The following SORCS3 variants were observed in gnomAD, a reference collection of about 807,000 sequenced individuals.
SORCS3 encodes VPS10 domain-containing receptor SorCS3.
Under a neutral mutation model 146.3 loss-of-function variants are expected in SORCS3, and 57 were observed. That is an observed-to-expected ratio of 0.39 (90% CI 0.31 to 0.49). The LOEUF (loss-of-function observed/expected upper bound fraction) is 0.49, where lower values mean the gene tolerates loss of function less well. Ranked by LOEUF, SORCS3 falls within the 20% of genes least tolerant of loss-of-function variation. The probability of loss-of-function intolerance (pLI) is 0.92; values close to 1 mark genes in which losing one functional copy is unlikely to be tolerated. For missense variants in SORCS3, 1,341 were observed against 1,575.5 expected, an observed-to-expected ratio of 0.85 and a Z score of 2.52; for synonymous variants, 653 against 618.5, an observed-to-expected ratio of 1.06 and a Z score of -0.83.
At position 104,700,633 on chromosome 10, in the gene SORCS3, A is replaced by T. The variant is rs1486951195; in HGVS notation, c.627+58679A>T. 3.4e-5 allele frequency among the ~76,000 whole-genome samples: 5 copies of T among 145,380 alleles called. No individual in the cohort carries two copies. In the East Asian group the frequency reaches 1.1e-3, roughly 32 times the overall value. On this transcript the variant is annotated intron_variant, in intron 1 of 26. Transcript: ENST00000369701. ...ATGGAGTCGGGAGAGCAGTTTCCGA[A>T]GGAAGGGACATGGGCCAGACTAAAG...
intron 4 of SORCS3, among the ~76,000 whole-genome samples, chr10:104,995,149 T>C (rs2055016834): frequency 1.3e-5 from 2 of 150,182 alleles, no homozygotes; most frequent in Admixed American, 1.3e-4. Flanking sequence ...TCTTTTCTTT[T>C]CTTTCTTTCT....
chr10:105,123,743 A>C (rs2055952701), intron 7 of SORCS3, among the ~76,000 whole-genome samples: 2 of 152,192 alleles, frequency 1.3e-5, no homozygotes, highest in Non-Finnish European at 2.9e-5. Flanking sequence ...GAGAGACAAT[A>C]ATAGGAGGGA....
At chr10:105,143,205 T>A (rs937768676) in intron 8 of SORCS3, among the ~76,000 whole-genome samples, 2 of 152,210 alleles carry the variant, frequency 1.3e-5, no homozygotes, top group African/African-American at 4.8e-5. Flanking sequence ...CATTTGATAC[T>A]GATGAAAATA....
chr10:104,786,372 C>G (rs1764663522), intron 1 of SORCS3, among the ~76,000 whole-genome samples: 1 of 151,200 alleles, frequency 6.6e-6, no homozygotes, highest in Non-Finnish European at 1.5e-5. Flanking sequence ...GCTGACAAAA[C>G]CCTGTTTCTA....
chr10:104,765,682 A>T (rs1485950037), intron 1 of SORCS3, among the ~76,000 whole-genome samples: 1 of 152,228 alleles, frequency 6.6e-6, no homozygotes. Flanking sequence ...GGGAGAAATA[A>T]CAATTATTTT....
At chr10:105,016,780 G>A (rs2133685501) in intron 4 of SORCS3, among the ~76,000 whole-genome samples, 1 of 152,270 alleles carries the variant, frequency 6.6e-6, no homozygotes, top group African/African-American at 2.4e-5. Context: ...TGTCCTGGCA[G>A]AGGTTGCATT....
chr10:104,722,768 A>G (rs907689639), intron 1 of SORCS3, among the ~76,000 whole-genome samples: 1 of 152,072 alleles, frequency 6.6e-6, no homozygotes, highest in Non-Finnish European at 1.5e-5. Context: ...ATTTGCATAG[A>G]GGTGTTTATA....
At chr10:105,029,882 AATC>A (rs954521536) in intron 4 of SORCS3, among the ~76,000 whole-genome samples, 39 of 152,202 alleles carry the variant, frequency 2.6e-4, no homozygotes, top group African/African-American at 8.4e-4. Context: ...TTTGCATTAA[AATC>A]ATCTGGGAGC....
chr10:104,663,538 G>A (rs2015728843), intron 1 of SORCS3, among the ~76,000 whole-genome samples: 1 of 151,828 alleles, frequency 6.6e-6, no homozygotes, highest in African/African-American at 2.4e-5. Flanking sequence ...TCTCTGATAT[G>A]TTGTTATGTG....
chr10:104,657,242 A>G (rs1288742314), intron 1 of SORCS3, among the ~76,000 whole-genome samples: 1 of 152,196 alleles, frequency 6.6e-6, no homozygotes, highest in Non-Finnish European at 1.5e-5. Flanking sequence ...CAGTCCAGCT[A>G]GAACCACGTA....
intron 25 of SORCS3, among the ~76,000 whole-genome samples, chr10:105,258,145 C>T (rs1193890824): frequency 6.6e-6 from 1 of 152,032 alleles, no homozygotes; most frequent in Non-Finnish European, 1.5e-5. Flanking sequence ...CAGCATTAGC[C>T]GCAGCAGCAG....
At chr10:104,796,518 A>G (rs570475436) in intron 1 of SORCS3, among the ~76,000 whole-genome samples, 2 of 151,962 alleles carry the variant, frequency 1.3e-5, no homozygotes, top group South Asian at 2.1e-4. Context: ...CTAGACCTTA[A>G]TGGCTTCATT....
chr10:104,969,720 A>G (rs2054848034), intron 3 of SORCS3, among the ~76,000 whole-genome samples: 1 of 152,168 alleles, frequency 6.6e-6, no homozygotes, highest in Admixed American at 6.6e-5. Flanking sequence ...ATGCTTTATT[A>G]TATATAAATT....
At chr10:104,722,979 T>G (rs1158801571) in intron 1 of SORCS3, among the ~76,000 whole-genome samples, 1 of 152,224 alleles carries the variant, frequency 6.6e-6, no homozygotes, top group African/African-American at 2.4e-5. Flanking sequence ...TCTATTTCCT[T>G]CAGTTCTGCT....
At chr10:104,806,613 C>T (rs1378152985) in intron 1 of SORCS3, among the ~76,000 whole-genome samples, 1 of 152,060 alleles carries the variant, frequency 6.6e-6, no homozygotes, top group East Asian at 1.9e-4. Flanking sequence ...AGGGAAATAA[C>T]GTAAGTTTTG....
At chr10:104,882,953 T>C (rs2018645578) in intron 2 of SORCS3, among the ~76,000 whole-genome samples, 1 of 152,240 alleles carries the variant, frequency 6.6e-6, no homozygotes, top group Non-Finnish European at 1.5e-5. Context: ...GAAGAAATCA[T>C]TCTGCTTTCC....
chr10:105,248,301 G>T (rs1459566537), intron 22 of SORCS3, among the ~76,000 whole-genome samples: 3 of 152,172 alleles, frequency 2.0e-5, no homozygotes, highest in African/African-American at 7.2e-5. Flanking sequence ...GGGACATGAA[G>T]ACTTGGCACA....
In SORCS3 at chr10:105,228,768, T is replaced by C. The variant is rs190608340; in HGVS notation, c.2868+5519T>C. ...TCACTAGATGTTTTCCTTTGCCTAT[T>C]TTTTGAATTCTGTATTTGTCTTTGA... On this transcript the variant is annotated intron_variant, in intron 20 of 26. Transcript: ENST00000369701. Among the ~76,000 whole-genome samples, 393 of 152,284 alleles carry C rather than the reference T, an allele frequency of 2.6e-3. 5 individuals are homozygous for C. Among genetic ancestry groups the C allele is most frequent in the Non-Finnish European group, 6.0e-4 (41 of 68,020 alleles).
chr10:104,880,606 A>G (rs998892172), intron 2 of SORCS3, among the ~76,000 whole-genome samples: 1 of 122,132 alleles, frequency 8.2e-6, no homozygotes, highest in Non-Finnish European at 1.7e-5. Context: ...TACCTCTAAC[A>G]TCTTATCCCG....
Sources: gnomAD v4.1 joint callset for allele counts (sites outside exome capture counted in the v4.1 genomes callset) on GRCh38, gnomAD v4.1.1 for gene constraint, MANE v1.5 for transcripts, NCBI Gene and HGNC (gene_info 2026-07-23, HGNC 2026-07-21) for gene names.